ERICH1: variants seen among roughly 807,000 people sequenced by gnomAD.
ERICH1 encodes the protein glutamate-rich protein 1.
A neutral mutation model predicts 39.6 loss-of-function variants in ERICH1; 56 were observed. The ratio of observed to expected loss-of-function variants is 1.41; its 90% confidence interval spans 1.14 to 1.77. ERICH1 has a LOEUF of 1.77. ERICH1 is among the 40% of genes most tolerant of loss of function. The pLI is 0.00. For synonymous variants in ERICH1, 313 were observed against 223.6 expected (o/e 1.40, Z -3.57); for missense variants, 826 against 575.4 (o/e 1.44, Z -4.45).
intron 3 of ERICH1, among the ~76,000 whole-genome samples, chr8:658,996 G>A (rs1195721126): frequency 1.8e-5 from 2 of 113,536 alleles, no homozygotes; most frequent in Non-Finnish European, 3.8e-5. Flanking sequence ...CATCTCCGGT[G>A]TGCACTGAGC....
chr8:681,200 C>A (rs530830648), intron 3 of ERICH1, among the ~76,000 whole-genome samples: 1 of 152,202 alleles, frequency 6.6e-6, no homozygotes, highest in Non-Finnish European at 1.5e-5. Flanking sequence ...CAAATCGCCA[C>A]GCCCAGAGCC....
chr8:715,715 T>C (rs1263268188), intron 2 of ERICH1, 146 bp downstream of exon 2: 2 of 1,145,560 alleles, frequency 1.7e-6, no homozygotes, highest in African/African-American at 3.1e-5. Flanking sequence ...TGGAGAGCGA[T>C]GCCTGCCCTG....
chr8:684,174 C>G (rs1211255378), intron 3 of ERICH1, among the ~76,000 whole-genome samples: 1 of 152,062 alleles, frequency 6.6e-6, no homozygotes, highest in Non-Finnish European at 1.5e-5. Flanking sequence ...CAATAAAAGT[C>G]TTAAAATAGG....
At chr8:708,450 G>C (rs1356245050) in intron 2 of ERICH1, among the ~76,000 whole-genome samples, 1 of 152,050 alleles carries the variant, frequency 6.6e-6, no homozygotes, top group Non-Finnish European at 1.5e-5. Flanking sequence ...TCATACAGTG[G>C]AATATTATTC....
chr8:723,231 T>C (rs954436018), intron 1 of ERICH1, among the ~76,000 whole-genome samples: 5 of 152,216 alleles, frequency 3.3e-5, no homozygotes, highest in African/African-American at 1.2e-4. Context: ...AAATGGGTGC[T>C]GGCGCCATGC....
rs531895138 is a variant in ERICH1 at position 674,098 on chromosome 8, A to C, written c.305-51T>G. 95 of 1,490,364 alleles carry C rather than the reference A, an allele frequency of 6.4e-5. 2 individuals are homozygous for C. The South Asian group carries it at 1.3e-3, about 21-fold the overall frequency. 92.3% of individuals were successfully genotyped at this position (1,490,364 alleles called of 1,614,324 possible). A position where few individuals can be genotyped will look rare whatever the true frequency, so the allele number is the denominator to read the frequency against. ...ATTTTCAGTACAATGAAACCATAACAAACATATTAGGCTAAATAAATTTTC... is the reference window on the plus strand; with the variant it reads ...ATTTTCAGTACAATGAAACCATAACCAACATATTAGGCTAAATAAATTTTC... On this transcript the variant is annotated intron_variant, in intron 3 of 5. Transcript: ENST00000262109.
At chr8:633,136 G>T (rs1477191448) in intron 3 of ERICH1, among the ~76,000 whole-genome samples, 2 of 152,070 alleles carry the variant, frequency 1.3e-5, no homozygotes, top group Admixed American at 6.5e-5. Context: ...GTGCTGCCCA[G>T]GACAGACGGA....
intron 3 of ERICH1, among the ~76,000 whole-genome samples, chr8:674,766 C>T (rs2131877896): frequency 6.6e-6 from 1 of 152,286 alleles, no homozygotes; most frequent in Non-Finnish European, 1.5e-5. Flanking sequence ...ATGATTTGCC[C>T]ATCTGAGTCA....
intron 2 of ERICH1, among the ~76,000 whole-genome samples, chr8:702,912 A>G (rs980912030): frequency 6.6e-6 from 1 of 152,212 alleles, no homozygotes; most frequent in African/African-American, 2.4e-5. Flanking sequence ...TGTCCTACCC[A>G]GGACAGGTAC....
At chr8:728,586 T>G (rs1819331396) in intron 1 of ERICH1, among the ~76,000 whole-genome samples, 1 of 152,198 alleles carries the variant, frequency 6.6e-6, no homozygotes, top group South Asian at 2.1e-4. Context: ...GAGCTAGCAC[T>G]TAATTACATG....
At chr8:654,383 G>A (rs985383263) in intron 3 of ERICH1, among the ~76,000 whole-genome samples, 13 of 152,154 alleles carry the variant, frequency 8.5e-5, no homozygotes, top group Non-Finnish European at 1.9e-4. Flanking sequence ...AAAACCTGGA[G>A]GGACTGGAGG....
intron 3 of ERICH1, among the ~76,000 whole-genome samples, chr8:678,778 A>G (rs936962310): frequency 1.3e-5 from 2 of 152,196 alleles, no homozygotes; most frequent in African/African-American, 4.8e-5. Flanking sequence ...ACTGCACTCC[A>G]GCCTGGGTGA....
intron 3 of ERICH1, among the ~76,000 whole-genome samples, chr8:652,149 C>T (rs901719249): frequency 6.6e-6 from 1 of 152,212 alleles, no homozygotes; most frequent in African/African-American, 2.4e-5. Flanking sequence ...CTCCATGCCA[C>T]CCCATCGACG....
intron 1 of ERICH1, among the ~76,000 whole-genome samples, chr8:726,647 T>G (rs191021406): frequency 6.9e-6 from 1 of 145,654 alleles, no homozygotes; most frequent in African/African-American, 2.6e-5. Flanking sequence ...CAGACACACA[T>G]GTACACAAGT....
At chr8:626,898 T>C in intron 3 of ERICH1, 2 of 317,114 alleles carry the variant, frequency 6.3e-6, no homozygotes, top group Non-Finnish European at 1.3e-5. Context: ...AACCTGTTCA[T>C]TCTTGCCTAG....
intron 3 of ERICH1, among the ~76,000 whole-genome samples, chr8:629,763 C>A (rs1442429146): frequency 6.9e-6 from 1 of 144,890 alleles, no homozygotes; most frequent in Non-Finnish European, 1.5e-5. Context: ...CTGACTCACA[C>A]CCTCCTGTGA....
intron 3 of ERICH1, among the ~76,000 whole-genome samples, chr8:656,378 C>T (rs187894799): frequency 6.6e-6 from 1 of 152,296 alleles, no homozygotes; most frequent in African/African-American, 2.4e-5. Flanking sequence ...TTTTAACATC[C>T]GGATCGTCCT....
intron 1 of ERICH1, among the ~76,000 whole-genome samples, chr8:721,085 A>G (rs1817205470): frequency 6.6e-6 from 1 of 152,230 alleles, no homozygotes; most frequent in Admixed American, 6.5e-5. Context: ...TCTCAAATAG[A>G]TGTCAAAATG....
intron 3 of ERICH1, among the ~76,000 whole-genome samples, chr8:678,093 TA>T (rs746896439): frequency 9.2e-5 from 14 of 152,296 alleles, no homozygotes; most frequent in Non-Finnish European, 1.5e-4. Flanking sequence ...AAGTTTGTCA[TA>T]TTTTTTTCAC....
Sources: allele counts gnomAD v4.1 joint callset (sites outside exome capture counted in the v4.1 genomes callset), GRCh38; gene constraint gnomAD v4.1.1; transcripts MANE v1.5; gene names NCBI Gene and HGNC (gene_info 2026-07-23, HGNC 2026-07-21).